Variants in SUPT6H observed in about 807,000 individuals in gnomAD.
The protein encoded by SUPT6H is SPT6 homolog, histone chaperone and transcription elongation factor.
In SUPT6H, 11 loss-of-function variants were observed where a neutral mutation model predicts 222.3. The observed-to-expected ratio is 0.05, with a 90% CI of 0.03 to 0.08. SUPT6H has a LOEUF of 0.08. Among genes scored for constraint, SUPT6H ranks in the 10% least tolerant of loss-of-function variants. The probability of loss-of-function intolerance (pLI) is 1.00; values close to 1 mark genes in which losing one functional copy is unlikely to be tolerated. For missense variants in SUPT6H, 1,422 were observed against 2,216.0 expected (o/e 0.64, Z 7.19); for synonymous variants, 762 against 801.2 (o/e 0.95, Z 0.83).
chr17:28,674,753 G>A (rs2030637328), intron 4 of SUPT6H, 140 bp downstream of exon 4: 8 of 898,772 alleles, frequency 8.9e-6, no homozygotes, highest in Non-Finnish European at 1.2e-5. Context: ...GTACTACGGA[G>A]CCTAGATTTG....
chr17:28,695,158 A>C, intron 28 of SUPT6H, 194 bp from the exon 29 acceptor site: 1 of 584,224 alleles, frequency 1.7e-6, no homozygotes, highest in Non-Finnish European at 3.0e-6. Flanking sequence ...GCATTAGTGC[A>C]GGGCTTGGCC....
intron 1 of SUPT6H, chr17:28,670,224 T>C (rs2030334028): frequency 6.6e-6 from 1 of 152,204 alleles, no homozygotes; most frequent in Non-Finnish European, 1.5e-5. Context: ...CTTGAACAAA[T>C]GACTACATCT....
chr17:28,700,977 C>A lies in SUPT6H; in HGVS notation c.4843C>A (p.Pro1615Thr). ...PTPAQQPVAT[P>T]LMTPSYSYTT... ...GCCAGCCCAGCAGCCAGTGGCCACA[C>A]CACTAATGACCCCTAGCTACTCCTA... is the stretch of plus-strand genomic sequence containing the variant. Residue 1615 changes from proline to threonine, a missense_variant, in exon 36 of 37, where the codon CCA becomes ACA. By Grantham distance (38) the Pro-to-Thr change is conservative. Around this residue, in one of 13 missense-constraint regions of SUPT6H, gnomAD observed 395 missense variants for 580.6 expected, o/e 0.68. Coordinates refer to ENST00000314616, the MANE Select transcript of SUPT6H (RefSeq NM_003170.5). 6.2e-7 allele frequency: 1 copy of A among 1,613,750 alleles called. No homozygotes were observed. The highest frequency in any genetic ancestry group is 1.3e-5 in the African/African-American group (1 of 75,028).
intron 17 of SUPT6H, 106 bp from the exon 18 acceptor site, chr17:28,684,480 A>G: frequency 7.2e-7 from 1 of 1,387,164 alleles, no homozygotes; most frequent in South Asian, 1.3e-5. Flanking sequence ...ATAAGAGTAC[A>G]CACCCTCGCA....
chr17:28,662,636 G>C (rs1055268271), intron 1 of SUPT6H, among the ~76,000 whole-genome samples: 1 of 152,166 alleles, frequency 6.6e-6, no homozygotes, highest in Non-Finnish European at 1.5e-5. Flanking sequence ...ACTGGGCCAC[G>C]CAAAAGGATT....
At chr17:28,665,763 C>CA (rs773335448) in intron 1 of SUPT6H, among the ~76,000 whole-genome samples, 1 of 151,526 alleles carries the variant, frequency 6.6e-6, no homozygotes, top group Non-Finnish European at 1.5e-5. Context: ...GACTCTGTCT[C>CA]AAAAAAACGT....
intron 17 of SUPT6H, 107 bp from the exon 18 acceptor site, chr17:28,684,479 C>A: frequency 7.3e-7 from 1 of 1,370,086 alleles, no homozygotes; most frequent in Non-Finnish European, 1.0e-6. Flanking sequence ...CATAAGAGTA[C>A]ACACCCTCGC....
At chr17:28,696,584 T>TC (rs919963061) in intron 29 of SUPT6H, among the ~76,000 whole-genome samples, 5 of 83,854 alleles carry the variant, frequency 6.0e-5, no homozygotes, top group African/African-American at 2.0e-4. Flanking sequence ...TGAGACTGTC[T>TC]CAAAAAAAAA....
intron 1 of SUPT6H, among the ~76,000 whole-genome samples, chr17:28,664,498 C>G (rs951836582): frequency 4.6e-5 from 7 of 152,220 alleles, no homozygotes; most frequent in African/African-American, 1.7e-4. Flanking sequence ...GAACAAAACT[C>G]CGTCTCAAAA....
In SUPT6H at chr17:28,681,392, G is replaced by A; in HGVS notation, c.1486G>A (p.Gly496Arg). 1 of 1,602,694 alleles carries A rather than the reference G, an allele frequency of 6.2e-7. No individual in the cohort carries two copies. Among genetic ancestry groups the A allele is most frequent in the South Asian group, 1.1e-5 (1 of 89,274 alleles). ...RKKLKRVREE[G>R]DEEGEGDEAE... Reference sequence around the variant, plus strand: ...GAAGCTGAAGCGTGTCAGGGAAGAGGGAGATGAAGAAGGTTAGTGCTGGAA... The same window carrying A: ...GAAGCTGAAGCGTGTCAGGGAAGAGAGAGATGAAGAAGGTTAGTGCTGGAA... Residue 496 changes from glycine (G) to arginine (R), a missense_variant, in exon 12 of 37, where the codon GGA becomes AGA. By Grantham distance (125) the Gly-to-Arg change is moderately radical. Transcript: ENST00000314616.
intron 19 of SUPT6H, among the ~76,000 whole-genome samples, chr17:28,685,187 G>A (rs1283480613): frequency 1.3e-5 from 2 of 152,248 alleles, no homozygotes; most frequent in East Asian, 1.9e-4. Context: ...TAGGCCTTGT[G>A]TGCTTCTGGA....
At chr17:28,664,554 C>G (rs1160270983) in intron 1 of SUPT6H, among the ~76,000 whole-genome samples, 1 of 152,190 alleles carries the variant, frequency 6.6e-6, no homozygotes, top group Non-Finnish European at 1.5e-5. Context: ...GAATCCCGAG[C>G]CTTCTACATG....
rs1341973474 is a variant in SUPT6H at position 28,701,970 on chromosome 17, C to T, written c.*345C>T. 9.1e-6 allele frequency: 2 copies of T among 219,354 alleles called. No homozygotes were observed. Among genetic ancestry groups the T allele is most frequent in the African/African-American group, 2.3e-5 (1 of 44,356 alleles). 13.6% of individuals were successfully genotyped at this position (219,354 alleles called of 1,614,324 possible). Reference sequence around the variant, plus strand: ...TTTGAACTTCTGCCCTCACCGGACTCTGGGCTGTGACTGGGGCACCAAACT... The same window carrying T: ...TTTGAACTTCTGCCCTCACCGGACTTTGGGCTGTGACTGGGGCACCAAACT... On this transcript the variant is annotated 3_prime_UTR_variant, in exon 37 of 37. Transcript: ENST00000314616.
At chr17:28,664,643 C>T in intron 1 of SUPT6H, among the ~76,000 whole-genome samples, 1 of 152,140 alleles carries the variant, frequency 6.6e-6, no homozygotes, top group East Asian at 1.9e-4. Flanking sequence ...ATCTCTAGTC[C>T]AGCCCTCTCC....
intron 35 of SUPT6H, 49 bp from the exon 36 acceptor site, chr17:28,700,892 C>G: frequency 1.3e-6 from 2 of 1,558,366 alleles, no homozygotes; most frequent in Non-Finnish European, 1.7e-6. Flanking sequence ...CACAGCAAGG[C>G]CAAACAAGCC....
At chr17:28,679,882 C>T (rs1304202388) in intron 11 of SUPT6H, among the ~76,000 whole-genome samples, 2 of 145,166 alleles carry the variant, frequency 1.4e-5, no homozygotes, top group Non-Finnish European at 3.0e-5. Flanking sequence ...TCCAGCTACT[C>T]GGGAGGCTGA....
Position 28,688,010 on chromosome 17 carries a change from T to G in SUPT6H, c.3007-81T>G. 7.1e-6 allele frequency: 10 copies of G among 1,414,120 alleles called. No individual in the cohort carries two copies. The highest frequency in any genetic ancestry group is 8.4e-6 in the Non-Finnish European group (9 of 1,075,728). The allele number at this position is 1,414,120 out of a possible 1,614,324, so 87.6% of individuals were successfully genotyped here. On this transcript the variant is annotated intron_variant, in intron 23 of 36. Coordinates refer to ENST00000314616, the MANE Select transcript of SUPT6H (RefSeq NM_003170.5). The surrounding 1 kb of genome is among the most constrained non-coding windows in gnomAD (Gnocchi z 4.3). ...ACTGGGTGGGACAGAGTTTTTGTTA[T>G]GAGGGTTTAATAGAGACTGGAACAG...
At chr17:28,669,202 TTTTGTTTG>T (rs905981940) in intron 1 of SUPT6H, among the ~76,000 whole-genome samples, 1 of 152,200 alleles carries the variant, frequency 6.6e-6, no homozygotes, top group African/African-American at 2.4e-5. Flanking sequence ...TTTTGGGTTT[TTTTGTTTG>T]TTTGTTTGTT....
At chr17:28,667,403 GTGTA>G (rs1217223695) in intron 1 of SUPT6H, among the ~76,000 whole-genome samples, 123 of 42,366 alleles carry the variant, frequency 2.9e-3, no homozygotes, top group South Asian at 0.018. Flanking sequence ...AAGTGTGTGT[GTGTA>G]TATATATATA....
Sources: allele counts gnomAD v4.1 joint callset (sites outside exome capture counted in the v4.1 genomes callset), GRCh38; gene constraint gnomAD v4.1.1; regional missense constraint gnomAD v4.1.1; non-coding constraint Gnocchi (gnomAD v3.1); transcripts MANE v1.5; gene names NCBI Gene and HGNC (gene_info 2026-07-23, HGNC 2026-07-21).